The following COL22A1 variants were observed in gnomAD, a reference collection of about 807,000 sequenced individuals.
The protein encoded by COL22A1 is collagen alpha-1(XXII) chain.
A neutral mutation model predicts 248.9 loss-of-function variants in COL22A1; 221 were observed. That is an observed-to-expected ratio of 0.89 (90% CI 0.80 to 0.99). The LOEUF (loss-of-function observed/expected upper bound fraction) is 0.99. Among genes scored for constraint, COL22A1 ranks in the 50% least tolerant of loss-of-function variants. COL22A1 has a pLI of 0.00. For synonymous variants in COL22A1, 891 were observed against 793.4 expected (o/e 1.12, Z -2.07); for missense variants, 2,240 against 2,179.0 (o/e 1.03, Z -0.56).
chr8:138,752,867 G>A (rs991200081), intron 21 of COL22A1, among the ~76,000 whole-genome samples: 2 of 152,226 alleles, frequency 1.3e-5, no homozygotes, highest in African/African-American at 4.8e-5. Flanking sequence ...CTCTGCAGAA[G>A]GCCCCGAGCT....
Position 138,630,714 on chromosome 8 carries a change from G to C in COL22A1, c.3644C>G (p.Pro1215Arg), listed in dbSNP as rs1820643886. 2 of 1,613,842 alleles carry C rather than the reference G, an allele frequency of 1.2e-6. No homozygotes were observed. Among genetic ancestry groups the C allele is most frequent in the South Asian group, 2.2e-5 (2 of 91,076 alleles). The part of the protein sequence containing the change: ...ADGIAGAAGP[P>R]GIQGSPGKEG... ...ACTTACAGGTGACCCTTGGATTCCT[G>C]GTGGTCCAGCAGCTCCTGCAATTCC... Residue 1215 changes from proline to arginine, a missense_variant, in exon 50 of 65, where the codon CCA becomes CGA. Physicochemically the swap from Pro to Arg is moderately radical, Grantham distance 103 (BLOSUM62 -2). Transcript: ENST00000303045.
chr8:138,878,930 C>G (rs1313743550), intron 2 of COL22A1, among the ~76,000 whole-genome samples: 1 of 152,116 alleles, frequency 6.6e-6, no homozygotes, highest in Non-Finnish European at 1.5e-5. Flanking sequence ...ATGGCGTGAA[C>G]CCGGGAGGCG....
chr8:138,774,685 C>T (rs1384385229), intron 16 of COL22A1, among the ~76,000 whole-genome samples: 1 of 152,308 alleles, frequency 6.6e-6, no homozygotes, highest in African/African-American at 2.4e-5. Flanking sequence ...TCCCAAAGTG[C>T]TGGGATTACA....
At chr8:138,701,878 A>C (rs915230800) in intron 31 of COL22A1, among the ~76,000 whole-genome samples, 3 of 139,420 alleles carry the variant, frequency 2.2e-5, no homozygotes, top group Non-Finnish European at 4.8e-5. Flanking sequence ...AGTTCCACTT[A>C]ATTTGAGTAT....
intron 14 of COL22A1, 53 bp from the exon 15 acceptor site, chr8:138,778,459 G>C: frequency 6.7e-7 from 1 of 1,500,592 alleles, no homozygotes; most frequent in Non-Finnish European, 9.0e-7. Context: ...AGAAAGGCAA[G>C]TGCAGCCGTA....
intron 27 of COL22A1, among the ~76,000 whole-genome samples, chr8:138,719,502 G>A (rs184937717): frequency 6.6e-6 from 1 of 152,294 alleles, no homozygotes; most frequent in Admixed American, 6.5e-5. Flanking sequence ...CACAGTTTGA[G>A]TCAACCTGGG....
intron 27 of COL22A1, among the ~76,000 whole-genome samples, chr8:138,718,174 C>T (rs1050415763): frequency 6.6e-6 from 1 of 152,090 alleles, no homozygotes; most frequent in Non-Finnish European, 1.5e-5. Context: ...CACATTTTAT[C>T]CTGTAGCGCT....
chr8:138,716,903 C>T lies in COL22A1; in HGVS notation c.2356-34G>A, dbSNP rs1586555544. The T allele has an allele frequency of 1.9e-6, 3 of 1,560,074 alleles. No individual in the cohort carries two copies. In the East Asian group the frequency reaches 6.7e-5, roughly 35 times the overall value. On this transcript the variant is annotated intron_variant, in intron 27 of 64. Transcript: ENST00000303045. ...GCAATAAAACATACCCCATTATTCTCCATTCACTTTAAAGAGATGACTGCC... is the reference window on the plus strand; with the variant it reads ...GCAATAAAACATACCCCATTATTCTTCATTCACTTTAAAGAGATGACTGCC...
At chr8:138,856,482 CAG>C (rs1398167100) in intron 3 of COL22A1, among the ~76,000 whole-genome samples, 1 of 148,992 alleles carries the variant, frequency 6.7e-6, no homozygotes, top group South Asian at 2.1e-4. Flanking sequence ...AAGAGGGAGA[CAG>C]AGAGAGCGAG....
intron 13 of COL22A1, among the ~76,000 whole-genome samples, chr8:138,780,537 G>A (rs1039575449): frequency 2.0e-5 from 3 of 152,132 alleles, no homozygotes; most frequent in Non-Finnish European, 4.4e-5. Flanking sequence ...AGGAAAGCTG[G>A]CTTGCCACAT....
chr8:138,609,299 AC>A (rs1317769423), intron 56 of COL22A1, among the ~76,000 whole-genome samples: 1 of 152,240 alleles, frequency 6.6e-6, no homozygotes, highest in East Asian at 1.9e-4. Context: ...CATAGGCAGC[AC>A]TGATTCCATC....
chr8:138,781,114 A>G, intron 12 of COL22A1, 134 bp from the exon 13 acceptor site: 1 of 674,482 alleles, frequency 1.5e-6, no homozygotes, highest in East Asian at 2.5e-5. Flanking sequence ...ATTGATCCAC[A>G]AGCCTGCAGC....
At chr8:138,783,101 G>T (rs1012006059) in intron 12 of COL22A1, among the ~76,000 whole-genome samples, 3 of 152,116 alleles carry the variant, frequency 2.0e-5, no homozygotes, top group African/African-American at 7.2e-5. Context: ...CAGAGGGGAT[G>T]TCTCCAGCAA....
chr8:138,868,800 G>A (rs747751317), intron 3 of COL22A1, among the ~76,000 whole-genome samples: 19 of 151,180 alleles, frequency 1.3e-4, no homozygotes, highest in Admixed American at 3.3e-4. Flanking sequence ...GCACAATCTC[G>A]GCTCACTGCA....
At chr8:138,806,939 T>C (rs981310582) in intron 10 of COL22A1, among the ~76,000 whole-genome samples, 3 of 152,272 alleles carry the variant, frequency 2.0e-5, no homozygotes, top group African/African-American at 7.2e-5. Flanking sequence ...TCAGGTCCTG[T>C]CTAAACCATC....
chr8:138,671,133 A>C (rs1191582513), intron 41 of COL22A1, among the ~76,000 whole-genome samples: 1 of 152,168 alleles, frequency 6.6e-6, no homozygotes. Context: ...GAGATTTTCA[A>C]CAATTTTTAA....
At chr8:138,623,589 T>C (rs2131957555) in intron 52 of COL22A1, 143 bp downstream of exon 52, 1 of 616,652 alleles carries the variant, frequency 1.6e-6, no homozygotes, top group South Asian at 2.7e-5. Flanking sequence ...CAGTGTTTAC[T>C]GTGCAGGAGT....
At chr8:138,798,911 T>C (rs551310322) in intron 11 of COL22A1, among the ~76,000 whole-genome samples, 1 of 152,346 alleles carries the variant, frequency 6.6e-6, no homozygotes, top group South Asian at 2.1e-4. Flanking sequence ...TCAGCCATTA[T>C]TTGTTTGAAT....
At chr8:138,669,098 G>A (rs1564170557) in intron 41 of COL22A1, among the ~76,000 whole-genome samples, 1 of 152,190 alleles carries the variant, frequency 6.6e-6, no homozygotes, top group Non-Finnish European at 1.5e-5. Context: ...TGCTGGAGAG[G>A]CCTCTGAAGC....
Sources: allele counts gnomAD v4.1 joint callset (sites outside exome capture counted in the v4.1 genomes callset), GRCh38; gene constraint gnomAD v4.1.1; transcripts MANE v1.5; gene names NCBI Gene and HGNC (gene_info 2026-07-23, HGNC 2026-07-21).